Variants in USP40 observed in about 807,000 individuals in gnomAD.
USP40 encodes the protein ubiquitin carboxyl-terminal hydrolase 40.
USP40 carries 143 observed loss-of-function variants against 166.2 expected under a neutral mutation model. That is an observed-to-expected ratio of 0.86 (90% CI 0.75 to 0.99). USP40 has a LOEUF of 0.99. Ranked by LOEUF, USP40 falls within the 50% of genes least tolerant of loss-of-function variation. The pLI, the probability that USP40 is intolerant of heterozygous loss-of-function variation, is 0.00. For missense variants in USP40, 1,444 were observed against 1,479.7 expected (o/e 0.98, Z 0.40); for synonymous variants, 498 against 524.0 (o/e 0.95, Z 0.68).
intron 19 of USP40, 88 bp from the exon 20 acceptor site, chr2:233,511,885 A>C (rs1277041346): frequency 1.9e-6 from 2 of 1,025,926 alleles, no homozygotes; most frequent in Non-Finnish European, 2.8e-6. Context: ...TTCTTTGAAA[A>C]TCAAGAATAT....
At chr2:233,492,461 G>A (rs567201837) in intron 25 of USP40, among the ~76,000 whole-genome samples, 2 of 152,308 alleles carry the variant, frequency 1.3e-5, no homozygotes, top group Admixed American at 6.5e-5. Context: ...TTTTCACGTA[G>A]AAACATACTG....
intron 28 of USP40, chr2:233,487,756 T>C (rs868194664): frequency 3.9e-6 from 1 of 256,848 alleles, no homozygotes; most frequent in Non-Finnish European, 7.8e-6. Context: ...CAATTACTAT[T>C]CTAGGTATTA....
intron 13 of USP40, among the ~76,000 whole-genome samples, chr2:233,526,286 AAC>A (rs1390998268): frequency 6.6e-6 from 1 of 152,220 alleles, no homozygotes; most frequent in Non-Finnish European, 1.5e-5. Flanking sequence ...AAAACACCAA[AAC>A]ACACAGACTG....
chr2:233,553,749 T>G (rs1446427835), intron 6 of USP40, among the ~76,000 whole-genome samples: 2 of 152,230 alleles, frequency 1.3e-5, no homozygotes, highest in African/African-American at 2.4e-5. Flanking sequence ...GATGAATAAA[T>G]TTGAGAAATG....
At position 233,477,078 on chromosome 2, in the gene USP40, G is replaced by A. The variant is rs1321376672; in HGVS notation, c.*314C>T. On this transcript the variant is annotated 3_prime_UTR_variant, in exon 32 of 32. Transcript: ENST00000678225. ...CGCTGCCTCCATACCTGCGGTTCAC[G>A]CACACGTTGTGCATTTTCTGGTTAA... 4.5e-5 allele frequency: 17 copies of A among 379,798 alleles called. No individual in the cohort carries two copies. The highest frequency in any genetic ancestry group is 1.7e-4 in the South Asian group (8 of 46,744). The allele number at this position is 379,798 out of a possible 1,614,324, so 23.5% of individuals were successfully genotyped here.
chr2:233,493,308 T>C lies in USP40; in HGVS notation c.2917+117A>G. 1 of 1,429,252 alleles carries C rather than the reference T, an allele frequency of 7.0e-7. No individual in the cohort carries two copies. The highest frequency in any genetic ancestry group is 9.6e-7 in the Non-Finnish European group (1 of 1,043,848). The allele number at this position is 1,429,252 out of a possible 1,614,324, so 88.5% of individuals were successfully genotyped here. On this transcript the variant is annotated intron_variant, in intron 25 of 31. Transcript: ENST00000678225. The surrounding 1 kb of genome is among the most constrained non-coding windows in gnomAD (Gnocchi z 4.7). ...AATGACTTATGAAATTAATAGGTCT[T>C]GATTTTCAAGATCTTACGTTTTAAA...
At chr2:233,559,971 A>T (rs559564376) in intron 3 of USP40, 47 bp from the exon 4 acceptor site, 1 of 1,436,190 alleles carries the variant, frequency 7.0e-7, no homozygotes, top group Non-Finnish European at 9.5e-7. Context: ...TTAAGTGTTG[A>T]CTAAGGCTTT....
chr2:233,551,655 T>C (rs2070576949), intron 6 of USP40, 136 bp from the exon 7 acceptor site: 5 of 829,364 alleles, frequency 6.0e-6, no homozygotes, highest in Non-Finnish European at 9.1e-6. Context: ...TACCATGGAT[T>C]CAACATAACT....
At chr2:233,481,950 G>A (rs577619542) in intron 30 of USP40, among the ~76,000 whole-genome samples, 3 of 152,332 alleles carry the variant, frequency 2.0e-5, no homozygotes, top group Non-Finnish European at 2.9e-5. Context: ...AAGACACAGC[G>A]CAGGGTCTGC....
At position 233,520,986 on chromosome 2, in the gene USP40, C is replaced by T. The variant is rs754550562; in HGVS notation, c.2325+5G>A. On this transcript the variant is annotated splice_donor_5th_base_variant and intron_variant, in intron 17 of 31. Coordinates refer to ENST00000678225, the MANE Select transcript of USP40 (RefSeq NM_001365479.2). ...TCAGCCAACCTTTAATTATATTCTA[C>T]TCACTGTGTTAACAGTTGCTGATAT... 6.2e-7 allele frequency: 1 copy of T among 1,609,776 alleles called. No homozygotes were observed. The highest frequency in any genetic ancestry group is 1.1e-5 in the South Asian group (1 of 90,412).
At chr2:233,477,641 C>T in intron 31 of USP40, 138 bp from the exon 32 acceptor site, 2 of 751,942 alleles carry the variant, frequency 2.7e-6, no homozygotes, top group Non-Finnish European at 4.3e-6. Context: ...CAGATCTCAG[C>T]CACCTGCCAG....
At chr2:233,518,439 C>T (rs559829233) in intron 18 of USP40, among the ~76,000 whole-genome samples, 5 of 151,052 alleles carry the variant, frequency 3.3e-5, no homozygotes, top group South Asian at 2.1e-4. Flanking sequence ...TGGTGGCACA[C>T]GCCTGTAATC....
At position 233,479,572 on chromosome 2, in the gene USP40, A is replaced by AAAAG. The variant is rs1352973171; in HGVS notation, c.3599+1630_3599+1631insCTTT. 5.9e-3 allele frequency among the ~76,000 whole-genome samples: 897 copies of AAAAG among 151,998 alleles called. 4 individuals carry two copies. The highest frequency in any genetic ancestry group is 0.02 in the African/African-American group (846 of 41,326). ...GTGGGACTCCGTCGCAAAAAAAAAA[A>AAAAG]AAAATTTGGAAAACAGTATTTTAGT... On this transcript the variant is annotated intron_variant, in intron 31 of 31. Coordinates refer to ENST00000678225, the MANE Select transcript of USP40 (RefSeq NM_001365479.2).
chr2:233,518,162 C>T (rs917631555), intron 18 of USP40, among the ~76,000 whole-genome samples: 1 of 149,626 alleles, frequency 6.7e-6, no homozygotes, highest in Non-Finnish European at 1.5e-5. Flanking sequence ...CACCTGTACC[C>T]CAATAACCTA....
At chr2:233,551,558 G>A in intron 6 of USP40, 39 bp from the exon 7 acceptor site, 1 of 1,537,076 alleles carries the variant, frequency 6.5e-7, no homozygotes, top group Non-Finnish European at 8.7e-7. Flanking sequence ...TTAAAAACAG[G>A]GTTATATAAA....
rs1043755006 is a variant in USP40 at position 233,479,494 on chromosome 2, C to T, written c.3599+1709G>A. Among the ~76,000 whole-genome samples the T allele has an allele frequency of 7.3e-5, 11 of 149,760 alleles. No homozygotes were observed. The South Asian group carries it at 8.4e-4, about 11-fold the overall frequency. On this transcript the variant is annotated intron_variant, in intron 31 of 31. Coordinates refer to ENST00000678225, the MANE Select transcript of USP40 (RefSeq NM_001365479.2). ...AGGAGAATCGCTTGAACCCGGGAGGCGGAGGTTGAAGTGGGTTGAGATCGT... is the reference window on the plus strand; with the variant it reads ...AGGAGAATCGCTTGAACCCGGGAGGTGGAGGTTGAAGTGGGTTGAGATCGT...
chr2:233,559,165 T>C (rs934150066), intron 4 of USP40, among the ~76,000 whole-genome samples: 1 of 152,232 alleles, frequency 6.6e-6, no homozygotes, highest in South Asian at 2.1e-4. Context: ...CCTTTACTCA[T>C]TGCTGACAAG....
At chr2:233,545,347 T>C (rs930869352) in intron 8 of USP40, 1 of 152,336 alleles carries the variant, frequency 6.6e-6, no homozygotes, top group Non-Finnish European at 1.5e-5. Context: ...AGATGACATA[T>C]AGGCTGGGCC....
Position 233,475,903 on chromosome 2 carries a change from G to A in USP40, c.*1489C>T, listed in dbSNP as rs1008084668. On this transcript the variant is annotated 3_prime_UTR_variant, in exon 32 of 32. Coordinates refer to ENST00000678225, the MANE Select transcript of USP40 (RefSeq NM_001365479.2). ...GACACTTACAGCTCTGGCGTCATCA[G>A]AAGCCTCTATCATCTCCCTCTGCAA... 2.0e-5 allele frequency: 3 copies of A among 152,414 alleles called. No homozygotes were observed. The highest frequency in any genetic ancestry group is 2.4e-5 in the African/African-American group (1 of 41,472). The allele number at this position is 152,414 out of a possible 1,614,324, so 9.4% of individuals were successfully genotyped here. A position where few individuals can be genotyped will look rare whatever the true frequency, so the allele number is the denominator to read the frequency against.
Sources: allele counts gnomAD v4.1 joint callset (sites outside exome capture counted in the v4.1 genomes callset), GRCh38; gene constraint gnomAD v4.1.1; non-coding constraint Gnocchi (gnomAD v3.1); transcripts MANE v1.5; gene names NCBI Gene and HGNC (gene_info 2026-07-23, HGNC 2026-07-21).